Variants in APOE observed in about 807,000 individuals in gnomAD.
APOE encodes apolipoprotein E3.
In APOE, 10 loss-of-function variants were observed where a neutral mutation model predicts 13.1. That is an observed-to-expected ratio of 0.76 (90% CI 0.47 to 1.29). The LOEUF (loss-of-function observed/expected upper bound fraction) is 1.29, where lower values mean the gene tolerates loss of function less well. APOE is among the 50% of genes most tolerant of loss of function. The probability of loss-of-function intolerance (pLI) is 0.00; values close to 1 mark genes in which losing one functional copy is unlikely to be tolerated. For synonymous variants in APOE, 211 were observed against 207.1 expected, an observed-to-expected ratio of 1.02 and a Z score of -0.16; for missense variants, 471 against 459.6, an observed-to-expected ratio of 1.02 and a Z score of -0.23.
At position 44,907,864 on chromosome 19, in the gene APOE, C is replaced by G. The variant is rs11542029; in HGVS notation, c.148C>G (p.Arg50Gly). 6.2e-7 allele frequency: 1 copy of G among 1,614,016 alleles called. No homozygotes were observed. The highest frequency in any genetic ancestry group is 8.5e-7 in the Non-Finnish European group (1 of 1,179,934). Residue 50 changes from arginine (R) to glycine (G), a missense_variant, in exon 3 of 4, where the codon CGC becomes GGC. By Grantham distance (125) the Arg-to-Gly change is moderately radical (BLOSUM62 -2). Transcript: ENST00000252486. This position sits in a 1 kb window ranked among gnomAD's most constrained non-coding sequence, Gnocchi z 4.1. ...CCAGCGCTGGGAACTGGCACTGGGT[C>G]GCTTTTGGGATTACCTGCGCTGGGT... ...SGQRWELALG[R>G]FWDYLRWVQT...
chr19:44,906,767 T>C lies in APOE; in HGVS notation c.43+100T>C. On this transcript the variant is annotated intron_variant, in intron 2 of 3. Coordinates refer to ENST00000252486, the MANE Select transcript of APOE (RefSeq NM_000041.4). ...CAGGCAGACCCTGGGCCCCCTCTTC[T>C]GAGGCTTCTGTGCTGCTTCCTGGCT... is the stretch of plus-strand genomic sequence containing the variant. 4.1e-6 allele frequency: 5 copies of C among 1,207,180 alleles called. No homozygotes were observed. The South Asian group carries it at 6.1e-5, about 15-fold the overall frequency. The allele number at this position is 1,207,180 out of a possible 1,614,324, so 74.8% of individuals were successfully genotyped here. A position where few individuals can be genotyped will look rare whatever the true frequency, so the allele number is the denominator to read the frequency against.
At position 44,907,016 on chromosome 19, in the gene APOE, G is replaced by A. The variant is rs61357706; in HGVS notation, c.43+349G>A. 1,144 of 334,074 alleles carry A rather than the reference G, an allele frequency of 3.4e-3. 17 individuals carry two copies. The highest frequency in any genetic ancestry group is 0.021 in the African/African-American group (985 of 47,240). The allele number at this position is 334,074 out of a possible 1,614,324, so 20.7% of individuals were successfully genotyped here. On this transcript the variant is annotated intron_variant, in intron 2 of 3. Coordinates refer to ENST00000252486, the MANE Select transcript of APOE (RefSeq NM_000041.4). The surrounding 1 kb of genome is among the most constrained non-coding windows in gnomAD (Gnocchi z 4.1). ...CTGCCTCAGCCTCCCAAGTAGCTGG[G>A]ACTACAGGCACATGCCACCACACCC...
At chr19:44,906,363 G>C in intron 1 of APOE, 1 of 580,620 alleles carries the variant, frequency 1.7e-6, no homozygotes, top group South Asian at 2.0e-5. Context: ...TTGAACCCCG[G>C]GAGAGGAAGA....
intron 1 of APOE, 103 bp from the exon 2 acceptor site, chr19:44,906,499 A>G: frequency 8.1e-7 from 1 of 1,241,292 alleles, no homozygotes; most frequent in South Asian, 1.2e-5. Flanking sequence ...CAGATAATGC[A>G]ACAAGGCTTG....
rs771594795 is a variant in APOE, at chr19:44,908,633, A to G, written c.337A>G (p.Lys113Glu). The G allele has an allele frequency of 1.9e-6, 3 of 1,605,524 alleles. No homozygotes were observed. The highest frequency in any genetic ancestry group is 1.1e-5 in the South Asian group (1 of 90,014). Residue 113 changes from lysine to glutamate, a missense_variant, in exon 4 of 4, where the codon AAG (lysine) becomes GAG (glutamate). Transcript: ENST00000252486. ...GGAGGAGACGCGGGCACGGCTGTCCAAGGAGCTGCAGGCGGCGCAGGCCCG... is the reference window on the plus strand; with the variant it reads ...GGAGGAGACGCGGGCACGGCTGTCCGAGGAGCTGCAGGCGGCGCAGGCCCG... ...VAEETRARLS[K>E]ELQAAQARLG...
chr19:44,906,530 G>A (rs990603361), intron 1 of APOE, 72 bp from the exon 2 acceptor site: 8 of 1,553,174 alleles, frequency 5.2e-6, no homozygotes, highest in Non-Finnish European at 7.1e-6. Context: ...CTGGGGTGAG[G>A]CCGGGTTGGG....
In APOE at chr19:44,908,570, T is replaced by C; in HGVS notation, c.274T>C (p.Tyr92His). ...MDETMKELKA[Y>H]KSELEEQLTP... Reference sequence around the variant, plus strand: ...CGAGACCATGAAGGAGTTGAAGGCCTACAAATCGGAACTGGAGGAACAACT... The same window carrying C: ...CGAGACCATGAAGGAGTTGAAGGCCCACAAATCGGAACTGGAGGAACAACT... The change falls in exon 4 of 4, where the codon TAC (tyrosine) becomes CAC (histidine). Residue 92 changes from tyrosine to histidine, a missense_variant. Transcript: ENST00000252486. 6.2e-7 allele frequency: 1 copy of C among 1,613,612 alleles called. No homozygotes were observed. The highest frequency in any genetic ancestry group is 8.5e-7 in the Non-Finnish European group (1 of 1,179,670).
rs776242156 is a variant in APOE, at chr19:44,907,784, C to T, written c.68C>T (p.Ala23Val). The T allele has an allele frequency of 1.6e-5, 26 of 1,612,418 alleles. No individual in the cohort carries two copies. Among genetic ancestry groups the T allele is most frequent in the Middle Eastern group, 3.3e-4 (2 of 6,078 alleles). Residue 23 changes from alanine (A) to valine (V), a missense_variant, in exon 3 of 4, where the codon GCG (alanine) becomes GTG (valine). Coordinates refer to ENST00000252486, the MANE Select transcript of APOE (RefSeq NM_000041.4). The surrounding 1 kb of genome is among the most constrained non-coding windows in gnomAD (Gnocchi z 4.1). ...LAGCQAKVEQAVETEPEPELR... is the reference protein window; with the variant it reads ...LAGCQAKVEQVVETEPEPELR... The stretch of plus-strand genomic sequence containing the variant: ...GGATGCCAGGCCAAGGTGGAGCAAG[C>T]GGTGGAGACAGAGCCGGAGCCCGAG...
intron 1 of APOE, among the ~76,000 whole-genome samples, chr19:44,906,085 G>C (rs528229851): frequency 2.6e-5 from 4 of 152,216 alleles, no homozygotes; most frequent in Admixed American, 2.6e-4. Context: ...GTAAGCCATA[G>C]CAGGACTCCA....
rs1468737511 is a variant in APOE, at chr19:44,909,305, C to CGCAGCCT, written c.*61_*67dup. ...CGCCACCCCGTGCCTCCTGCCTCCG[C>CGCAGCCT]GCAGCCTGCAGCGGGAGACCCTGTC... On this transcript the variant is annotated 3_prime_UTR_variant, in exon 4 of 4. Coordinates refer to ENST00000252486, the MANE Select transcript of APOE (RefSeq NM_000041.4). The CGCAGCCT allele has an allele frequency of 3.9e-6, 6 of 1,534,150 alleles. No homozygotes were observed. Among genetic ancestry groups the CGCAGCCT allele is most frequent in the Non-Finnish European group, 5.3e-6 (6 of 1,125,506 alleles).
Position 44,908,956 on chromosome 19 carries a change from G to C in APOE, c.660G>C (p.Pro220=), listed in dbSNP as rs1473651063. The C allele has an allele frequency of 6.6e-7, 1 of 1,522,168 alleles. No individual in the cohort carries two copies. Among genetic ancestry groups the C allele is most frequent in the African/African-American group, 1.4e-5 (1 of 71,920 alleles). 94.3% of individuals were successfully genotyped at this position (1,522,168 alleles called of 1,614,324 possible). A position where few individuals can be genotyped will look rare whatever the true frequency, so the allele number is the denominator to read the frequency against. ...CTGTGGGCTCCCTGGCCGGCCAGCC[G>C]CTACAGGAGCGGGCCCAGGCCTGGG... ...AATVGSLAGQ[P]LQERAQAWGE... The change falls in exon 4 of 4, where the codon CCG becomes CCC. Residue 220 remains proline, a synonymous_variant. Coordinates refer to ENST00000252486, the MANE Select transcript of APOE (RefSeq NM_000041.4).
chr19:44,908,982 G>A lies in APOE; in HGVS notation c.686G>A (p.Gly229Asp). 6.5e-7 allele frequency: 1 copy of A among 1,532,034 alleles called. No homozygotes were observed. Among genetic ancestry groups the A allele is most frequent in the East Asian group, 2.5e-5 (1 of 40,778 alleles). 94.9% of individuals were successfully genotyped at this position (1,532,034 alleles called of 1,614,324 possible). A position where few individuals can be genotyped will look rare whatever the true frequency, so the allele number is the denominator to read the frequency against. The change falls in exon 4 of 4, where the codon GGC becomes GAC. Residue 229 changes from glycine (G) to aspartate (D), a missense_variant. By Grantham distance (94) the Gly-to-Asp change is moderately conservative. Transcript: ENST00000252486. ...CTACAGGAGCGGGCCCAGGCCTGGG[G>A]CGAGCGGCTGCGCGCGCGGATGGAG... ...QPLQERAQAWGERLRARMEEM... is the reference protein window; with the variant it reads ...QPLQERAQAWDERLRARMEEM...
chr19:44,906,883 G>A (rs569333472), intron 2 of APOE: 29 of 597,626 alleles, frequency 4.9e-5, no homozygotes, highest in Non-Finnish European at 7.4e-5. Flanking sequence ...GTTTGTTGTT[G>A]TTGTTTTGTT....
chr19:44,906,232 T>G, intron 1 of APOE: 1 of 374,400 alleles, frequency 2.7e-6, no homozygotes, highest in South Asian at 2.3e-5. Context: ...CTGAATTAGC[T>G]CATAAATGGA....
rs1175727833 is a variant in APOE, at chr19:44,907,284, G to T, written c.44-476G>T. On this transcript the variant is annotated intron_variant, in intron 2 of 3. Coordinates refer to ENST00000252486, the MANE Select transcript of APOE (RefSeq NM_000041.4). This position sits in a 1 kb window ranked among gnomAD's most constrained non-coding sequence, Gnocchi z 4.1. ...ATCACCCCCACACAGCCCTGCCTGG[G>T]GCACACAAGGACACTCAATACATGC... 4.1e-6 allele frequency: 1 copy of T among 244,718 alleles called. No homozygotes were observed. The highest frequency in any genetic ancestry group is 9.9e-5 in the East Asian group (1 of 10,148). 15.2% of individuals were successfully genotyped at this position (244,718 alleles called of 1,614,324 possible).
At position 44,908,915 on chromosome 19, in the gene APOE, C is replaced by T. The variant is rs749750245; in HGVS notation, c.619C>T (p.Arg207Cys). ...CCTGGGGCCCCTGGTGGAACAGGGC[C>T]GCGTGCGGGCCGCCACTGTGGGCTC... ...ERLGPLVEQG[R>C]VRAATVGSLA... Residue 207 changes from arginine to cysteine, a missense_variant, in exon 4 of 4, where the codon CGC (arginine) becomes TGC (cysteine). Physicochemically the swap from Arg to Cys is radical, Grantham distance 180 (BLOSUM62 -3). Transcript: ENST00000252486. 4.0e-5 allele frequency: 59 copies of T among 1,469,100 alleles called. 1 individual carries two copies. In the Admixed American group the frequency reaches 1.5e-3, roughly 36 times the overall value. The allele number at this position is 1,469,100 out of a possible 1,614,324, so 91.0% of individuals were successfully genotyped here.
rs759721023 is a variant in APOE at position 44,908,936 on chromosome 19, G to A, written c.640G>A (p.Gly214Ser). 249 of 1,503,980 alleles carry A rather than the reference G, an allele frequency of 1.7e-4. No homozygotes were observed. The highest frequency in any genetic ancestry group is 2.0e-4 in the Non-Finnish European group (228 of 1,132,704). The allele number at this position is 1,503,980 out of a possible 1,614,324, so 93.2% of individuals were successfully genotyped here. A position where few individuals can be genotyped will look rare whatever the true frequency, so the allele number is the denominator to read the frequency against. The change falls in exon 4 of 4, where the codon GGC (glycine) becomes AGC (serine). Residue 214 changes from glycine (G) to serine (S), a missense_variant. Transcript: ENST00000252486. ...EQGRVRAATV[G>S]SLAGQPLQER... ...GGGCCGCGTGCGGGCCGCCACTGTG[G>A]GCTCCCTGGCCGGCCAGCCGCTACA...
chr19:44,909,051 A>G lies in APOE; in HGVS notation c.755A>G (p.Glu252Gly). The G allele has an allele frequency of 6.4e-7, 1 of 1,559,304 alleles. No individual in the cohort carries two copies. Residue 252 changes from glutamate to glycine, a missense_variant, in exon 4 of 4, where the codon GAG becomes GGG. Transcript: ENST00000252486. ...RTRDRLDEVK[E>G]QVAEVRAKLE... The stretch of plus-strand genomic sequence containing the variant: ...CGCGACCGCCTGGACGAGGTGAAGG[A>G]GCAGGTGGCGGAGGTGCGCGCCAAG...
At chr19:44,906,894 T>G (rs1213451114) in intron 2 of APOE, 2 of 591,230 alleles carry the variant, frequency 3.4e-6, no homozygotes, top group African/African-American at 3.7e-5. Context: ...TTGTTTTGTT[T>G]TTTTGAGATG....
Sources: gnomAD v4.1 joint callset for allele counts (sites outside exome capture counted in the v4.1 genomes callset) on GRCh38, gnomAD v4.1.1 for gene constraint, Gnocchi (gnomAD v3.1) non-coding constraint, MANE v1.5 for transcripts, NCBI Gene and HGNC (gene_info 2026-07-23, HGNC 2026-07-21) for gene names.